The following HERPUD2 variants were observed in gnomAD, a reference collection of about 807,000 sequenced individuals.
HERPUD2 encodes HERPUD family member 2.
In HERPUD2, 13 loss-of-function variants were observed where a neutral mutation model predicts 49.9. The observed-to-expected ratio is 0.26, with a 90% CI of 0.17 to 0.41. The LOEUF is 0.41. Among genes scored for constraint, HERPUD2 ranks in the 10% least tolerant of loss-of-function variants. The pLI, the probability that HERPUD2 is intolerant of heterozygous loss-of-function variation, is 1.00. For synonymous variants in HERPUD2, 172 were observed against 171.4 expected (o/e 1.00, Z -0.03); for missense variants, 449 against 492.2 (o/e 0.91, Z 0.83).
At chr7:35,680,342 G>C (rs546695928) in intron 2 of HERPUD2, among the ~76,000 whole-genome samples, 2 of 152,054 alleles carry the variant, frequency 1.3e-5, no homozygotes, top group Admixed American at 6.6e-5. Context: ...CCAGGAGTTC[G>C]AGGCTGCAGT....
intron 2 of HERPUD2, among the ~76,000 whole-genome samples, chr7:35,678,797 T>G (rs1785819985): frequency 6.6e-6 from 1 of 152,208 alleles, no homozygotes. Flanking sequence ...GTTAATATAT[T>G]ATCTGCTTTC....
chr7:35,633,043 A>G lies in HERPUD2; in HGVS notation c.*647T>C, dbSNP rs1053994771. 6.6e-6 allele frequency: 1 copy of G among 151,972 alleles called. No individual in the cohort carries two copies. The highest frequency in any genetic ancestry group is 1.5e-5 in the Non-Finnish European group (1 of 67,992). The allele number at this position is 151,972 out of a possible 1,614,324, so 9.4% of individuals were successfully genotyped here. A position where few individuals can be genotyped will look rare whatever the true frequency, so the allele number is the denominator to read the frequency against. ...ACATTAAAGGGCCAGGCTACTAGCT[A>G]TAGACATTTATATGTGAAGCAGCTC... On this transcript the variant is annotated 3_prime_UTR_variant, in exon 9 of 9. Transcript: ENST00000311350.
chr7:35,683,569 C>T (rs1352149367), intron 2 of HERPUD2, among the ~76,000 whole-genome samples: 3 of 152,160 alleles, frequency 2.0e-5, no homozygotes, highest in African/African-American at 4.8e-5. Context: ...AGATAAATTG[C>T]TGGGACTTAA....
chr7:35,649,252 GAAA>G (rs750758740), intron 5 of HERPUD2, among the ~76,000 whole-genome samples: 2 of 119,608 alleles, frequency 1.7e-5, no homozygotes, highest in South Asian at 2.6e-4. Flanking sequence ...CTCCATCTCT[GAAA>G]AAAAAAAAAA....
At chr7:35,688,274 T>C (rs1786106968) in intron 2 of HERPUD2, among the ~76,000 whole-genome samples, 1 of 152,142 alleles carries the variant, frequency 6.6e-6, no homozygotes, top group Non-Finnish European at 1.5e-5. Context: ...TCAGAAACAC[T>C]ATAAATAGAG....
Position 35,634,294 on chromosome 7 carries a change from A to G in HERPUD2, c.1059+18T>C, listed in dbSNP as rs1219431972. 5 of 1,493,502 alleles carry G rather than the reference A, an allele frequency of 3.3e-6. No homozygotes were observed. The highest frequency in any genetic ancestry group is 4.7e-6 in the Non-Finnish European group (5 of 1,070,302). 92.5% of individuals were successfully genotyped at this position (1,493,502 alleles called of 1,614,324 possible). On this transcript the variant is annotated intron_variant, in intron 8 of 8. Coordinates refer to ENST00000311350, the MANE Select transcript of HERPUD2 (RefSeq NM_022373.5). ...AAAATCTCAGTATCTTAAGTATACA[A>G]AAGCTTCAATCACATACCATTTCTT...
intron 5 of HERPUD2, among the ~76,000 whole-genome samples, chr7:35,641,489 GA>G (rs1784966618): frequency 6.6e-6 from 1 of 152,070 alleles, no homozygotes; most frequent in Admixed American, 6.6e-5. Flanking sequence ...AATCCTTATG[GA>G]ACCAAAAAAG....
At chr7:35,678,952 T>C (rs1418414816) in intron 2 of HERPUD2, among the ~76,000 whole-genome samples, 1 of 152,182 alleles carries the variant, frequency 6.6e-6, no homozygotes. Flanking sequence ...AAAATACATA[T>C]AAATGGAGTA....
rs1441771931 is a variant in HERPUD2 at position 35,667,464 on chromosome 7, T to G, written c.464A>C (p.Gln155Pro). 1 of 1,613,732 alleles carries G rather than the reference T, an allele frequency of 6.2e-7. No homozygotes were observed. The highest frequency in any genetic ancestry group is 1.3e-5 in the African/African-American group (1 of 74,930). ...TLPQAQTDQAQSHQFPYVMQG... is the reference protein window; with the variant it reads ...TLPQAQTDQAPSHQFPYVMQG... ...CATTACATATGGAAACTGGTGACTCTGTGCTTGGTCAGTTTGTGCTTGTGG... is the reference window on the plus strand; with the variant it reads ...CATTACATATGGAAACTGGTGACTCGGTGCTTGGTCAGTTTGTGCTTGTGG... The change falls in exon 5 of 9, where the codon CAG (glutamine) becomes CCG (proline). Residue 155 changes from glutamine to proline, a missense_variant. Transcript: ENST00000311350.
At chr7:35,648,469 T>C (rs1443030501) in intron 5 of HERPUD2, among the ~76,000 whole-genome samples, 3 of 152,086 alleles carry the variant, frequency 2.0e-5, no homozygotes, top group African/African-American at 7.2e-5. Flanking sequence ...AATCAGCAAA[T>C]GCTACAAATC....
intron 5 of HERPUD2, among the ~76,000 whole-genome samples, chr7:35,665,935 GAGAA>G (rs1185699565): frequency 6.6e-6 from 1 of 152,178 alleles, no homozygotes; most frequent in Non-Finnish European, 1.5e-5. Context: ...CTGTAAGTAA[GAGAA>G]AGAGTTATAA....
chr7:35,662,563 G>A (rs1396728208), intron 5 of HERPUD2, among the ~76,000 whole-genome samples: 4 of 152,138 alleles, frequency 2.6e-5, no homozygotes, highest in African/African-American at 9.7e-5. Context: ...CCCGTTATTG[G>A]TCTATTCAGG....
intron 5 of HERPUD2, among the ~76,000 whole-genome samples, chr7:35,643,425 G>T (rs1784998899): frequency 6.6e-6 from 1 of 152,176 alleles, no homozygotes; most frequent in Non-Finnish European, 1.5e-5. Context: ...GGATGTCACA[G>T]TTTATGCACT....
chr7:35,666,359 T>C, intron 5 of HERPUD2, among the ~76,000 whole-genome samples: 1 of 152,240 alleles, frequency 6.6e-6, no homozygotes, highest in East Asian at 1.9e-4. Flanking sequence ...CAGCTTTGTT[T>C]TTCTGTATTA....
intron 5 of HERPUD2, among the ~76,000 whole-genome samples, chr7:35,654,918 A>G (rs1290726250): frequency 2.0e-5 from 3 of 152,154 alleles, no homozygotes; most frequent in Non-Finnish European, 4.4e-5. Context: ...GCAGTGGCGC[A>G]ATCTCAGCTC....
chr7:35,674,379 C>CTATATATATATATATATATATA (rs1232272764), intron 2 of HERPUD2, among the ~76,000 whole-genome samples: 5 of 42,972 alleles, frequency 1.2e-4, no homozygotes, highest in South Asian at 7.7e-4. Flanking sequence ...GTCTTACAAC[C>CTATATATATATATATATATATA]TATATATATA....
Position 35,667,435 on chromosome 7 carries a change from C to T in HERPUD2, c.493G>A (p.Gly165Arg), listed in dbSNP as rs1348723791. Residue 165 changes from glycine to arginine, a missense_variant and splice_region_variant, in exon 5 of 9, where the codon GGA becomes AGA. By Grantham distance (125) the Gly-to-Arg change is moderately radical. Transcript: ENST00000311350. ...CATAGCTACCACAATTTCACTTACC[C>T]TTGCATTACATATGGAAACTGGTGA... ...QSHQFPYVMQ[G>R]NVDNQFPGQA... 1 of 1,610,304 alleles carries T rather than the reference C, an allele frequency of 6.2e-7. No homozygotes were observed. Among genetic ancestry groups the T allele is most frequent in the African/African-American group, 1.3e-5 (1 of 74,996 alleles).
At chr7:35,667,219 A>C (rs1192276077) in intron 5 of HERPUD2, among the ~76,000 whole-genome samples, 1 of 152,208 alleles carries the variant, frequency 6.6e-6, no homozygotes, top group Non-Finnish European at 1.5e-5. Context: ...ACAAACATTC[A>C]AGATTGAAAG....
chr7:35,676,163 T>C (rs188673186), intron 2 of HERPUD2, among the ~76,000 whole-genome samples: 1 of 152,350 alleles, frequency 6.6e-6, no homozygotes, highest in East Asian at 1.9e-4. Context: ...GTTATGCCTC[T>C]TTTAATCTTT....
Sources: allele counts gnomAD v4.1 joint callset (sites outside exome capture counted in the v4.1 genomes callset), GRCh38; gene constraint gnomAD v4.1.1; transcripts MANE v1.5; gene names NCBI Gene and HGNC (gene_info 2026-07-23, HGNC 2026-07-21).